PEBP4: variants seen among roughly 807,000 people sequenced by gnomAD.
PEBP4 encodes phosphatidylethanolamine binding protein 4, also known as phosphatidylethanolamine-binding protein 4.
In PEBP4, 22 loss-of-function variants were observed where a neutral mutation model predicts 23.9. The observed-to-expected ratio is 0.92, with a 90% CI of 0.66 to 1.31. The LOEUF (loss-of-function observed/expected upper bound fraction) is 1.31. Among genes scored for constraint, PEBP4 ranks in the 40% most tolerant of loss-of-function variants. The pLI is 0.00. For missense variants in PEBP4, 324 were observed against 281.7 expected, an observed-to-expected ratio of 1.15 and a Z score of -1.07; for synonymous variants, 112 against 99.3, an observed-to-expected ratio of 1.13 and a Z score of -0.76.
intron 3 of PEBP4, among the ~76,000 whole-genome samples, chr8:22,903,019 T>A (rs1808741656): frequency 6.6e-6 from 1 of 152,174 alleles, no homozygotes; most frequent in Non-Finnish European, 1.5e-5. Context: ...GAGGGCCTTG[T>A]AATAGCCTGA....
At chr8:22,769,494 C>A (rs891226000) in intron 4 of PEBP4, among the ~76,000 whole-genome samples, 1 of 152,164 alleles carries the variant, frequency 6.6e-6, no homozygotes, top group Non-Finnish European at 1.5e-5. Context: ...AAAGACCTTC[C>A]CTGCTGTGTG....
intron 4 of PEBP4, among the ~76,000 whole-genome samples, chr8:22,764,204 G>C (rs984607270): frequency 6.6e-6 from 1 of 152,176 alleles, no homozygotes; most frequent in Non-Finnish European, 1.5e-5. Context: ...TATTGGGTTA[G>C]AGTGGTCCCA....
intron 3 of PEBP4, among the ~76,000 whole-genome samples, chr8:22,840,668 T>A (rs78271159): frequency 1.3e-5 from 2 of 152,170 alleles, no homozygotes; most frequent in East Asian, 3.8e-4. Context: ...GTTGGAAGAA[T>A]GTGGGGAAAA....
intron 3 of PEBP4, among the ~76,000 whole-genome samples, chr8:22,852,036 A>T (rs1807562493): frequency 1.3e-5 from 2 of 152,110 alleles, no homozygotes; most frequent in Non-Finnish European, 2.9e-5. Flanking sequence ...GCAGCCAAGG[A>T]TTACACAGAC....
In PEBP4 at chr8:22,927,669, G is replaced by C; in HGVS notation, c.46C>G (p.Leu16Val). The change falls in exon 2 of 7, where the codon CTC (leucine) becomes GTC (valine). Residue 16 changes from leucine (L) to valine (V), a missense_variant. Physicochemically the swap from Leu to Val is conservative, Grantham distance 32. Transcript: ENST00000256404. ...TCGTCTCCAGTGACCACCATCATGAGACCCAGTAACAGTGCTGCTGTGACC... is the reference window on the plus strand; with the variant it reads ...TCGTCTCCAGTGACCACCATCATGACACCCAGTAACAGTGCTGCTGTGACC... ...RLVTAALLLG[L>V]MMVVTGDEDE... 6.2e-7 allele frequency: 1 copy of C among 1,613,904 alleles called. No homozygotes were observed. Among genetic ancestry groups the C allele is most frequent in the Non-Finnish European group, 8.5e-7 (1 of 1,179,868 alleles).
At chr8:22,792,474 T>A (rs537167847) in intron 4 of PEBP4, among the ~76,000 whole-genome samples, 1 of 152,154 alleles carries the variant, frequency 6.6e-6, no homozygotes, top group Admixed American at 6.5e-5. Context: ...GTGTCCTTGG[T>A]CATATCCTTT....
chr8:22,724,790 G>T (rs1804589370), intron 6 of PEBP4, 53 bp downstream of exon 6: 2 of 1,409,174 alleles, frequency 1.4e-6, no homozygotes, highest in Non-Finnish European at 2.0e-6. Context: ...TGAAGCGTTT[G>T]TTCCACCCCA....
chr8:22,754,063 A>T (rs1449742993), intron 4 of PEBP4, among the ~76,000 whole-genome samples: 1 of 152,044 alleles, frequency 6.6e-6, no homozygotes, highest in African/African-American at 2.4e-5. Flanking sequence ...GAGGGAGAGG[A>T]GGGTTGAAGA....
intron 4 of PEBP4, among the ~76,000 whole-genome samples, chr8:22,749,387 T>C (rs1231452875): frequency 6.6e-6 from 1 of 152,172 alleles, no homozygotes; most frequent in African/African-American, 2.4e-5. Context: ...AATGTCAGCC[T>C]AGGAGCACAA....
At chr8:22,731,752 G>A (rs918689998) in intron 4 of PEBP4, among the ~76,000 whole-genome samples, 19 of 151,656 alleles carry the variant, frequency 1.3e-4, no homozygotes, top group African/African-American at 3.6e-4. Flanking sequence ...TCTGCCTCCC[G>A]GGTTCATGCC....
In PEBP4 at chr8:22,863,965, C is replaced by G. The variant is rs564818219; in HGVS notation, c.259-46230G>C. 1.4e-4 allele frequency among the ~76,000 whole-genome samples: 21 copies of G among 152,310 alleles called. No homozygotes were observed. The South Asian group carries it at 4.1e-3, about 30-fold the overall frequency. ...GGACTTTTATCATCTCTTGCCCCGA[C>G]TACTGTAAGGGCTTCCTAACCCATC... On this transcript the variant is annotated intron_variant, in intron 3 of 6. Transcript: ENST00000256404.
intron 4 of PEBP4, among the ~76,000 whole-genome samples, chr8:22,807,986 C>A (rs1806536800): frequency 6.6e-6 from 1 of 151,794 alleles, no homozygotes; most frequent in Non-Finnish European, 1.5e-5. Context: ...CTCACCTAAC[C>A]AATGTCTATC....
chr8:22,916,501 C>A (rs1383765218), intron 3 of PEBP4, among the ~76,000 whole-genome samples: 1 of 152,128 alleles, frequency 6.6e-6, no homozygotes, highest in Non-Finnish European at 1.5e-5. Flanking sequence ...CCCCCCAGCT[C>A]ACACCCCACC....
chr8:22,814,884 A>AC (rs1806705610), intron 4 of PEBP4, among the ~76,000 whole-genome samples: 2 of 151,984 alleles, frequency 1.3e-5, no homozygotes, highest in Non-Finnish European at 2.9e-5. Context: ...CTGGGAGTGA[A>AC]CCGGGGGGTG....
At chr8:22,798,345 AT>A (rs1231747394) in intron 4 of PEBP4, among the ~76,000 whole-genome samples, 1 of 152,118 alleles carries the variant, frequency 6.6e-6, no homozygotes, top group East Asian at 1.9e-4. Flanking sequence ...TCCAGAGCCC[AT>A]TCCCCCAACT....
chr8:22,845,318 G>C (rs567575125), intron 3 of PEBP4, among the ~76,000 whole-genome samples: 42 of 150,892 alleles, frequency 2.8e-4, no homozygotes, highest in African/African-American at 9.0e-4. Context: ...AGGATCACTT[G>C]AGCCCAGGAG....
chr8:22,891,809 C>T (rs770692993), intron 3 of PEBP4, among the ~76,000 whole-genome samples: 7 of 152,210 alleles, frequency 4.6e-5, no homozygotes, highest in Non-Finnish European at 8.8e-5. Context: ...CATGGTGGCT[C>T]ATGCCTGTAA....
intron 3 of PEBP4, among the ~76,000 whole-genome samples, chr8:22,837,059 A>C (rs933985178): frequency 6.6e-6 from 1 of 152,170 alleles, no homozygotes; most frequent in African/African-American, 2.4e-5. Flanking sequence ...GTGAAATTCA[A>C]AGTATGAATC....
intron 3 of PEBP4, among the ~76,000 whole-genome samples, chr8:22,851,927 C>G (rs1807560132): frequency 6.6e-6 from 1 of 152,120 alleles, no homozygotes; most frequent in Non-Finnish European, 1.5e-5. Flanking sequence ...GCAGCTCTGA[C>G]CCCAGCGCCC....
Sources: allele counts gnomAD v4.1 joint callset (sites outside exome capture counted in the v4.1 genomes callset), GRCh38; gene constraint gnomAD v4.1.1; transcripts MANE v1.5; gene names NCBI Gene and HGNC (gene_info 2026-07-23, HGNC 2026-07-21).